CMIP: variants seen among roughly 807,000 people sequenced by gnomAD.
The protein encoded by CMIP is C-Maf-inducing protein.
CMIP carries 13 observed loss-of-function variants against 97.3 expected under a neutral mutation model. That is an observed-to-expected ratio of 0.13 (90% CI 0.09 to 0.21). CMIP has a LOEUF of 0.21. Among genes scored for constraint, CMIP ranks in the 10% least tolerant of loss-of-function variants. CMIP has a pLI of 1.00. For missense variants in CMIP, 847 were observed against 1,024.9 expected (o/e 0.83, Z 2.37); for synonymous variants, 538 against 436.3 (o/e 1.23, Z -2.91).
Position 81,471,025 on chromosome 16 carries a change from CAT to C in CMIP, c.300+25485_300+25486del, listed in dbSNP as rs201716359. Among the ~76,000 whole-genome samples the C allele has an allele frequency of 7.4e-3, 1,120 of 152,140 alleles. 8 individuals carry two copies. Among genetic ancestry groups the C allele is most frequent in the African/African-American group, 0.011 (440 of 41,496 alleles). ...ACACAGGCACACATGTGCGCACAAA[CAT>C]GTGCATACACACATGCACACAGGCA... On this transcript the variant is annotated intron_variant, in intron 1 of 20. Transcript: ENST00000537098.
At chr16:81,650,057 C>T (rs999032978) in intron 3 of CMIP, among the ~76,000 whole-genome samples, 11 of 152,230 alleles carry the variant, frequency 7.2e-5, no homozygotes, top group South Asian at 6.2e-4. Flanking sequence ...GTTCCAGAGA[C>T]GCCTCAGTGG....
chr16:81,601,842 C>G (rs6420426), intron 1 of CMIP, among the ~76,000 whole-genome samples: 35,813 of 152,104 alleles, frequency 0.24, 5,214 homozygotes, highest in East Asian at 0.46. Flanking sequence ...TCCCACCAAA[C>G]CTACCTGGGT....
chr16:81,480,266 G>A (rs12928482), intron 1 of CMIP, among the ~76,000 whole-genome samples: 36,361 of 152,144 alleles, frequency 0.24, 5,037 homozygotes, highest in Admixed American at 0.38. Flanking sequence ...GAGGCCAGGC[G>A]TGGTGGCTCA....
Position 81,664,301 on chromosome 16 carries a change from C to T in CMIP, c.777C>T (p.Val259=), listed in dbSNP as rs1279570083. 1.2e-6 allele frequency: 2 copies of T among 1,603,012 alleles called. No homozygotes were observed. Among genetic ancestry groups the T allele is most frequent in the East Asian group, 2.3e-5 (1 of 44,336 alleles). ...HCRERPRSMV[V]IEVFTPVVQR... ...GAGAGCGGCCCCGGTCCATGGTGGT[C>T]ATCGAGGTGTTCACCCCCGTGGTGC... Residue 259 remains valine (V), a synonymous_variant, in exon 7 of 21, where the codon GTC becomes GTT. Transcript: ENST00000537098.
intron 8 of CMIP, 51 bp from the exon 9 acceptor site, chr16:81,671,915 A>C: frequency 7.5e-6 from 7 of 937,246 alleles, no homozygotes; most frequent in Admixed American, 2.1e-5. Flanking sequence ...TACCCTGTCC[A>C]TGGGCCCCAC....
At chr16:81,592,654 G>T (rs1402639801) in intron 1 of CMIP, among the ~76,000 whole-genome samples, 1 of 152,240 alleles carries the variant, frequency 6.6e-6, no homozygotes, top group Non-Finnish European at 1.5e-5. Context: ...CAACAGTCCT[G>T]GCTTCCATGT....
intron 2 of CMIP, chr16:81,610,477 G>T (rs1432314984): frequency 3.0e-6 from 3 of 985,816 alleles, no homozygotes; most frequent in Non-Finnish European, 2.4e-6. Flanking sequence ...TCCAGAGCCG[G>T]ACTCCGAGCT....
chr16:81,575,958 T>A (rs1443169051), intron 1 of CMIP, among the ~76,000 whole-genome samples: 1 of 152,220 alleles, frequency 6.6e-6, no homozygotes, highest in Non-Finnish European at 1.5e-5. Flanking sequence ...GTAGTTCTTA[T>A]AAATGCTTAC....
chr16:81,651,103 T>G (rs924686686), intron 3 of CMIP: 1 of 152,328 alleles, frequency 6.6e-6, no homozygotes, highest in African/African-American at 2.4e-5. Context: ...TCTTTCTGAC[T>G]TTGGCTCAGA....
intron 1 of CMIP, among the ~76,000 whole-genome samples, chr16:81,593,645 T>C (rs1412628062): frequency 1.3e-5 from 2 of 152,180 alleles, no homozygotes; most frequent in Non-Finnish European, 2.9e-5. Context: ...CCTCCGTGTA[T>C]TGAGTGCCCG....
chr16:81,511,706 G>C (rs1477100874), intron 1 of CMIP, among the ~76,000 whole-genome samples: 1 of 152,166 alleles, frequency 6.6e-6, no homozygotes. Flanking sequence ...GACTACAGGT[G>C]TGCACCACCA....
chr16:81,664,253 C>T lies in CMIP; in HGVS notation c.745-16C>T, dbSNP rs1273614120. ...ATTCTTAGGGCCGCAGTAACTGTACCCCACTCTGTCCCCAGCACTGCAGAG... is the reference window on the plus strand; with the variant it reads ...ATTCTTAGGGCCGCAGTAACTGTACTCCACTCTGTCCCCAGCACTGCAGAG... On this transcript the variant is annotated splice_polypyrimidine_tract_variant and intron_variant, in intron 6 of 20. Coordinates refer to ENST00000537098, the MANE Select transcript of CMIP (RefSeq NM_198390.3). The T allele has an allele frequency of 1.3e-6, 2 of 1,586,732 alleles. No individual in the cohort carries two copies. The highest frequency in any genetic ancestry group is 2.3e-5 in the South Asian group (2 of 86,208).
chr16:81,536,147 CT>C, intron 1 of CMIP, among the ~76,000 whole-genome samples: 1 of 152,322 alleles, frequency 6.6e-6, no homozygotes, highest in South Asian at 2.1e-4. Context: ...CCTGTAAAAC[CT>C]TTGAAATCAG....
intron 1 of CMIP, among the ~76,000 whole-genome samples, chr16:81,590,963 A>T (rs552499966): frequency 1.2e-3 from 176 of 152,318 alleles, no homozygotes; most frequent in African/African-American, 4.0e-3. Flanking sequence ...AACCATGATC[A>T]TTTGTGTATT....
chr16:81,604,450 A>G (rs567108032), intron 1 of CMIP, among the ~76,000 whole-genome samples: 144 of 150,062 alleles, frequency 9.6e-4, no homozygotes, highest in African/African-American at 3.4e-3. Flanking sequence ...CTGTAATCCC[A>G]GCACTTTGGG....
chr16:81,629,971 G>A (rs2092131708), intron 3 of CMIP, among the ~76,000 whole-genome samples: 1 of 152,208 alleles, frequency 6.6e-6, no homozygotes, highest in South Asian at 2.1e-4. Flanking sequence ...GAGAGGAGGG[G>A]TATTTTTAGG....
At chr16:81,476,177 G>A (rs1014542165) in intron 1 of CMIP, 53 of 1,207,550 alleles carry the variant, frequency 4.4e-5, no homozygotes, top group Non-Finnish European at 5.9e-5. Context: ...TTGGCAGTGC[G>A]TGTGGAAAAC....
In CMIP at chr16:81,445,301, G is replaced by A. The variant is rs754712970; in HGVS notation, c.60G>A (p.Lys20=). The change falls in exon 1 of 21, where the codon AAG becomes AAA. Residue 20 remains lysine (K), a synonymous_variant. Coordinates refer to ENST00000537098, the MANE Select transcript of CMIP (RefSeq NM_198390.3). ...ACCCCCGGCAGATCGAGGAGACCAA[G>A]CCGCTGCTGGGGGGCGACGTGTCGG... The part of the protein sequence containing the change: ...GGDPRQIEET[K]PLLGGDVSAP... 17 of 1,562,964 alleles carry A rather than the reference G, an allele frequency of 1.1e-5. No homozygotes were observed. Among genetic ancestry groups the A allele is most frequent in the Non-Finnish European group, 1.5e-5 (17 of 1,155,758 alleles).
chr16:81,471,787 T>G (rs1907574576), intron 1 of CMIP, among the ~76,000 whole-genome samples: 1 of 152,180 alleles, frequency 6.6e-6, no homozygotes, highest in Admixed American at 6.5e-5. Flanking sequence ...GGCAGTGGAA[T>G]TGAGTACAGA....
Sources: gnomAD v4.1 joint callset for allele counts (sites outside exome capture counted in the v4.1 genomes callset) on GRCh38, gnomAD v4.1.1 for gene constraint, MANE v1.5 for transcripts, NCBI Gene and HGNC (gene_info 2026-07-23, HGNC 2026-07-21) for gene names.